The following RASAL2 variants were observed in gnomAD, a reference collection of about 807,000 sequenced individuals.
RASAL2 encodes the protein ras GTPase-activating protein nGAP.
A neutral mutation model predicts 128.9 loss-of-function variants in RASAL2; 58 were observed. The ratio of observed to expected loss-of-function variants is 0.45; its 90% CI spans 0.36 to 0.56. The LOEUF (loss-of-function observed/expected upper bound fraction) is 0.56. RASAL2 is among the 20% of genes least tolerant of loss of function. The pLI is 0.00. For synonymous variants in RASAL2, 561 were observed against 580.8 expected (o/e 0.97, Z 0.49); for missense variants, 1,360 against 1,601.6 (o/e 0.85, Z 2.57).
At position 178,331,056 on chromosome 1, in the gene RASAL2, A is replaced by G. The variant is rs185933569; in HGVS notation, c.457+30938A>G. On this transcript the variant is annotated intron_variant, in intron 3 of 17. Coordinates refer to ENST00000367649, the MANE Select transcript of RASAL2 (RefSeq NM_170692.4). ...TGAGACAGTGCTTGTCCAAGACACC[A>G]TAAGTAGTAAATGGCATAGCTGGAA... Among the ~76,000 whole-genome samples the G allele has an allele frequency of 1.9e-4, 29 of 152,368 alleles. No homozygotes were observed. The East Asian group carries it at 5.4e-3, about 28-fold the overall frequency.
intron 1 of RASAL2, among the ~76,000 whole-genome samples, chr1:178,192,137 G>A (rs558621618): frequency 3.9e-5 from 6 of 152,258 alleles, no homozygotes; most frequent in South Asian, 4.1e-4. Context: ...TGAGGGGGTC[G>A]GAGGTGGGGA....
At chr1:178,382,921 G>A (rs72707020) in intron 3 of RASAL2, among the ~76,000 whole-genome samples, 98 of 152,044 alleles carry the variant, frequency 6.4e-4, no homozygotes, top group Non-Finnish European at 1.2e-3. Context: ...CTATTTTCTT[G>A]GCCTTTTCAG....
intron 3 of RASAL2, among the ~76,000 whole-genome samples, chr1:178,328,404 T>G (rs1232610454): frequency 6.6e-6 from 1 of 152,210 alleles, no homozygotes; most frequent in South Asian, 2.1e-4. Flanking sequence ...TTTCTTTGTA[T>G]TATGAATATT....
chr1:178,163,666 A>G (rs1274359172), intron 1 of RASAL2, among the ~76,000 whole-genome samples: 1 of 152,158 alleles, frequency 6.6e-6, no homozygotes, highest in Non-Finnish European at 1.5e-5. Context: ...TGTACCATAT[A>G]ATGTTAATTA....
At chr1:178,309,883 A>G (rs1236893344) in intron 3 of RASAL2, among the ~76,000 whole-genome samples, 1 of 150,480 alleles carries the variant, frequency 6.6e-6, no homozygotes, top group African/African-American at 2.5e-5. Context: ...GGTTATTTAA[A>G]AGCGGATAGA....
chr1:178,212,338 A>G lies in RASAL2; in HGVS notation c.203-71226A>G, dbSNP rs540522735. The stretch of plus-strand genomic sequence containing the variant: ...ACAAGCATAAATAACTGAAACAAAT[A>G]TAAAAATAGCATTTTCAGATTGTTG... On this transcript the variant is annotated intron_variant, in intron 1 of 17. Coordinates refer to ENST00000367649, the MANE Select transcript of RASAL2 (RefSeq NM_170692.4). Among the ~76,000 whole-genome samples, 8 of 152,376 alleles carry G rather than the reference A, an allele frequency of 5.3e-5. No individual in the cohort carries two copies. In the East Asian group the frequency reaches 1.5e-3, roughly 29 times the overall value.
At chr1:178,351,732 G>GAA (rs571231229) in intron 3 of RASAL2, among the ~76,000 whole-genome samples, 5,662 of 110,960 alleles carry the variant, frequency 0.051, 432 homozygotes, top group African/African-American at 0.16. Context: ...CTATCTCAAG[G>GAA]AAAAAAAAAA....
intron 1 of RASAL2, among the ~76,000 whole-genome samples, chr1:178,252,597 GAGAAATGAAAT>G (rs1665105830): frequency 6.6e-6 from 1 of 152,104 alleles, no homozygotes; most frequent in Non-Finnish European, 1.5e-5. Context: ...ACTAAAGAAA[GAGAAATGAAAT>G]AGAAATGAAA....
At chr1:178,220,792 T>C (rs1663587233) in intron 1 of RASAL2, among the ~76,000 whole-genome samples, 2 of 152,216 alleles carry the variant, frequency 1.3e-5, no homozygotes, top group South Asian at 2.1e-4. Flanking sequence ...GTTGTCTGGA[T>C]GTACCAAGGT....
At chr1:178,112,109 T>A (rs1206468550) in intron 1 of RASAL2, among the ~76,000 whole-genome samples, 1 of 152,226 alleles carries the variant, frequency 6.6e-6, no homozygotes, top group Non-Finnish European at 1.5e-5. Flanking sequence ...CTTTGTCAGA[T>A]ATGTGATCTG....
intron 5 of RASAL2, among the ~76,000 whole-genome samples, chr1:178,421,675 T>G (rs913705359): frequency 1.3e-5 from 2 of 152,040 alleles, no homozygotes; most frequent in African/African-American, 4.8e-5. Context: ...GTAAGTGACT[T>G]TTTTTCACTT....
At chr1:178,405,013 T>A (rs1293725943) in intron 4 of RASAL2, among the ~76,000 whole-genome samples, 1 of 152,074 alleles carries the variant, frequency 6.6e-6, no homozygotes, top group Admixed American at 6.5e-5. Flanking sequence ...AACATAGAAA[T>A]ATTATTTCAC....
chr1:178,203,808 G>A (rs974915498), intron 1 of RASAL2, among the ~76,000 whole-genome samples: 2 of 152,218 alleles, frequency 1.3e-5, no homozygotes, highest in African/African-American at 2.4e-5. Context: ...GTAAGGAAGA[G>A]TATGTGTAGA....
chr1:178,178,183 A>G (rs1252831861), intron 1 of RASAL2, among the ~76,000 whole-genome samples: 2 of 152,214 alleles, frequency 1.3e-5, no homozygotes, highest in Admixed American at 6.5e-5. Flanking sequence ...AATCAGCATC[A>G]GAGGATATGA....
intron 3 of RASAL2, among the ~76,000 whole-genome samples, chr1:178,357,255 C>G (rs1249405988): frequency 6.6e-6 from 1 of 151,838 alleles, no homozygotes; most frequent in Admixed American, 6.6e-5. Context: ...GCTTAGAAAG[C>G]CTTTTTCAAC....
chr1:178,369,338 C>T (rs1355730425), intron 3 of RASAL2, among the ~76,000 whole-genome samples: 1 of 152,094 alleles, frequency 6.6e-6, no homozygotes, highest in African/African-American at 2.4e-5. Flanking sequence ...TCTCCTGCCT[C>T]AGTCTCCCGA....
At chr1:178,386,897 G>A (rs995747694) in intron 3 of RASAL2, among the ~76,000 whole-genome samples, 2 of 151,506 alleles carry the variant, frequency 1.3e-5, no homozygotes, top group Admixed American at 1.3e-4. Flanking sequence ...GAGCAGAAAT[G>A]TAGCTCTTAG....
intron 1 of RASAL2, among the ~76,000 whole-genome samples, chr1:178,136,888 T>C (rs1484219023): frequency 6.6e-6 from 1 of 151,676 alleles, no homozygotes; most frequent in Admixed American, 6.6e-5. Context: ...GAGAATAATA[T>C]GTTCAGAGCT....
At chr1:178,331,373 T>C (rs1669301817) in intron 3 of RASAL2, among the ~76,000 whole-genome samples, 1 of 152,162 alleles carries the variant, frequency 6.6e-6, no homozygotes, top group Non-Finnish European at 1.5e-5. Flanking sequence ...TCCTATGACA[T>C]TGTCAGTGGT....
Sources: allele counts gnomAD v4.1 joint callset (sites outside exome capture counted in the v4.1 genomes callset), GRCh38; gene constraint gnomAD v4.1.1; transcripts MANE v1.5; gene names NCBI Gene and HGNC (gene_info 2026-07-23, HGNC 2026-07-21).